Variants in TAF12 observed in about 807,000 individuals in gnomAD.
TAF12 encodes transcription initiation factor TFIID subunit 12.
Under a neutral mutation model 20.8 loss-of-function variants are expected in TAF12, and 3 were observed. The observed-to-expected ratio is 0.14, with a 90% CI of 0.07 to 0.37. The LOEUF is 0.37. Among genes scored for constraint, TAF12 ranks in the 10% least tolerant of loss-of-function variants. The pLI is 1.00. For synonymous variants in TAF12, 69 were observed against 70.2 expected, an observed-to-expected ratio of 0.98 and a Z score of 0.09; for missense variants, 131 against 197.9, an observed-to-expected ratio of 0.66 and a Z score of 2.03.
At position 28,635,345 on chromosome 1, in the gene TAF12, G is replaced by A. The variant is rs537340816; in HGVS notation, c.-85+7647C>T. Among the ~76,000 whole-genome samples the A allele has an allele frequency of 6.3e-5, 7 of 111,574 alleles. No homozygotes were observed. The East Asian group carries it at 8.9e-4, about 14-fold the overall frequency. The allele number at this position is 111,574 out of a possible 152,430, so 73.2% of individuals were successfully genotyped here. ...GTCGCCCAGGCTACAGTGCAGTGTCGCCCAGGCTACAGTGCAGTGGCGCAA... is the reference window on the plus strand; with the variant it reads ...GTCGCCCAGGCTACAGTGCAGTGTCACCCAGGCTACAGTGCAGTGGCGCAA... On this transcript the variant is annotated intron_variant, in intron 1 of 5. Transcript: ENST00000373824.
intron 1 of TAF12, among the ~76,000 whole-genome samples, chr1:28,636,647 A>G (rs1667833711): frequency 6.6e-6 from 1 of 151,792 alleles, no homozygotes; most frequent in African/African-American, 2.4e-5. Flanking sequence ...AAAAAAATCA[A>G]AAAATTTGCC....
intron 1 of TAF12, among the ~76,000 whole-genome samples, chr1:28,636,389 G>A (rs1309922607): frequency 1.3e-5 from 2 of 151,986 alleles, no homozygotes; most frequent in Non-Finnish European, 2.9e-5. Flanking sequence ...ATGAACCATG[G>A]TAGCAGTATC....
At chr1:28,618,117 T>C in intron 2 of TAF12, 87 bp from the exon 3 acceptor site, 2 of 1,341,970 alleles carry the variant, frequency 1.5e-6, no homozygotes, top group Non-Finnish European at 2.1e-6. Flanking sequence ...GGCTGTCAAA[T>C]TGTTGGTTTT....
At chr1:28,646,682 A>G (rs1570351413), upstream of TAF12, among the ~76,000 whole-genome samples, 2 of 147,834 alleles carry the variant, frequency 1.4e-5, no homozygotes, top group Non-Finnish European at 3.0e-5. Flanking sequence ...GGCACCTGCC[A>G]CCACACTCGG....
chr1:28,643,107 C>G, upstream of TAF12: 1 of 985,946 alleles, frequency 1.0e-6, no homozygotes, highest in Middle Eastern at 5.2e-4. Flanking sequence ...CGCTCCCCGC[C>G]TCCAACCCGG....
At chr1:28,636,997 T>G (rs1667853503) in intron 1 of TAF12, among the ~76,000 whole-genome samples, 1 of 138,092 alleles carries the variant, frequency 7.2e-6, no homozygotes, top group Non-Finnish European at 1.6e-5. Flanking sequence ...AAAATACCAG[T>G]GTTTCATTTC....
rs776767504 is a variant in TAF12 at position 28,622,093 on chromosome 1, C to G, written c.-12G>C. ...CCAAACTGGTTCATAATCTGCCGAG[C>G]TTTGGACTTCAGCTCATAGAGCTTA... On this transcript the variant is annotated 5_prime_UTR_variant, in exon 2 of 6. Coordinates refer to ENST00000373824, the MANE Select transcript of TAF12 (RefSeq NM_005644.4). The G allele has an allele frequency of 1.9e-5, 30 of 1,608,600 alleles. No individual in the cohort carries two copies. The South Asian group carries it at 3.3e-4, about 18-fold the overall frequency.
intron 4 of TAF12, among the ~76,000 whole-genome samples, chr1:28,608,623 C>T (rs1217554572): frequency 1.3e-5 from 2 of 149,546 alleles, no homozygotes; most frequent in Non-Finnish European, 3.0e-5. Flanking sequence ...GGCGTGGTGG[C>T]GTGTGCCTGT....
At position 28,617,801 on chromosome 1, in the gene TAF12, T is replaced by C. The variant is rs573740803; in HGVS notation, c.246+152A>G. 16 of 773,760 alleles carry C rather than the reference T, an allele frequency of 2.1e-5. 2 individuals carry two copies. The African/African-American group carries it at 2.5e-4, about 12-fold the overall frequency. 47.9% of individuals were successfully genotyped at this position (773,760 alleles called of 1,614,324 possible). On this transcript the variant is annotated intron_variant, in intron 3 of 5. Transcript: ENST00000373824. ...AGAGACAAGGTCTCATTATATGGCCTAGGCTGGTCTTGAACCTCTGGGTTC... is the reference window on the plus strand; with the variant it reads ...AGAGACAAGGTCTCATTATATGGCCCAGGCTGGTCTTGAACCTCTGGGTTC...
At chr1:28,615,147 G>T (rs1314980514) in intron 3 of TAF12, among the ~76,000 whole-genome samples, 1 of 151,942 alleles carries the variant, frequency 6.6e-6, no homozygotes, top group Non-Finnish European at 1.5e-5. Context: ...GCACGCACAT[G>T]AAAAAACTGA....
At chr1:28,636,899 G>A (rs1667845601) in intron 1 of TAF12, among the ~76,000 whole-genome samples, 1 of 152,192 alleles carries the variant, frequency 6.6e-6, no homozygotes, top group African/African-American at 2.4e-5. Context: ...CTTGAGCCTA[G>A]GAGTGCGAGG....
At chr1:28,622,229 G>C in intron 1 of TAF12, 64 bp from the exon 2 acceptor site, 1 of 1,383,620 alleles carries the variant, frequency 7.2e-7, no homozygotes, top group Non-Finnish European at 9.4e-7. Context: ...AATCTTGAGA[G>C]TAAAAAGAGG....
intron 3 of TAF12, among the ~76,000 whole-genome samples, chr1:28,615,560 T>G (rs1667004950): frequency 6.6e-6 from 1 of 151,160 alleles, no homozygotes; most frequent in Non-Finnish European, 1.5e-5. Flanking sequence ...GTGCCTGTAG[T>G]CCCAGCTTCT....
intron 4 of TAF12, 57 bp from the exon 5 acceptor site, chr1:28,605,517 G>C: frequency 6.5e-7 from 1 of 1,539,788 alleles, no homozygotes; most frequent in Non-Finnish European, 8.9e-7. Context: ...TACCAGGAGT[G>C]CAATGTGACC....
intron 4 of TAF12, among the ~76,000 whole-genome samples, chr1:28,609,433 G>C (rs1666781463): frequency 6.6e-6 from 1 of 151,894 alleles, no homozygotes; most frequent in African/African-American, 2.4e-5. Flanking sequence ...TGTAGTAAAT[G>C]CATGGTCAAA....
chr1:28,630,232 C>T (rs532433708), intron 1 of TAF12, among the ~76,000 whole-genome samples: 1 of 152,314 alleles, frequency 6.6e-6, no homozygotes, highest in South Asian at 2.1e-4. Flanking sequence ...AGGCACAAGC[C>T]TCCATGCCCA....
chr1:28,638,173 G>GTATTT (rs766915282), intron 1 of TAF12, among the ~76,000 whole-genome samples: 1,940 of 150,396 alleles, frequency 0.013, 15 homozygotes, highest in Non-Finnish European at 0.018. Flanking sequence ...GCTAATTTTT[G>GTATTT]TATTTTATTT....
At chr1:28,616,911 G>C (rs1667060578) in intron 3 of TAF12, among the ~76,000 whole-genome samples, 1 of 151,912 alleles carries the variant, frequency 6.6e-6, no homozygotes, top group African/African-American at 2.4e-5. Context: ...CCTAAGGTCA[G>C]GAGTTTGAGA....
At chr1:28,624,469 C>T (rs532319277) in intron 1 of TAF12, among the ~76,000 whole-genome samples, 125 of 152,144 alleles carry the variant, frequency 8.2e-4, no homozygotes, top group African/African-American at 2.8e-3. Context: ...AAATCTGGCC[C>T]GGCCCAGTGG....
Sources: gnomAD v4.1 joint callset for allele counts (sites outside exome capture counted in the v4.1 genomes callset) on GRCh38, gnomAD v4.1.1 for gene constraint, MANE v1.5 for transcripts, NCBI Gene and HGNC (gene_info 2026-07-23, HGNC 2026-07-21) for gene names.